Variants in SDC3 observed in about 807,000 individuals in gnomAD.
The protein encoded by SDC3 is syndecan-3.
SDC3 carries 13 observed loss-of-function variants against 24.4 expected under a neutral mutation model. The ratio of observed to expected loss-of-function variants is 0.53; its 90% CI spans 0.35 to 0.85. The LOEUF (loss-of-function observed/expected upper bound fraction) is 0.85. Among genes scored for constraint, SDC3 ranks in the 40% least tolerant of loss-of-function variants. The pLI is 0.01. For missense variants in SDC3, 571 were observed against 584.5 expected (o/e 0.98, Z 0.24); for synonymous variants, 295 against 260.9 (o/e 1.13, Z -1.26).
chr1:30,893,306 C>G (rs1003680149), intron 1 of SDC3, among the ~76,000 whole-genome samples: 2 of 107,466 alleles, frequency 1.9e-5, no homozygotes, highest in African/African-American at 7.0e-5. Context: ...ACCAGGAGCC[C>G]CCCCCCCCCC....
At chr1:30,899,843 C>T (rs1393597127) in intron 1 of SDC3, among the ~76,000 whole-genome samples, 1 of 152,150 alleles carries the variant, frequency 6.6e-6, no homozygotes, top group Non-Finnish European at 1.5e-5. Context: ...ATAGGACACA[C>T]ACGACACAAC....
chr1:30,874,590 T>G lies in SDC3; in HGVS notation c.871-2A>C. ...CAGGAAGGTCTCTGGAGTTGGGGTC[T>G]GCAGAGAGGGTGGCATGAGCCCAGG... On this transcript the variant is annotated splice_acceptor_variant, in intron 3 of 4. Coordinates refer to ENST00000339394, the MANE Select transcript of SDC3 (RefSeq NM_014654.4). LOFTEE classifies it high-confidence loss of function. The G allele has an allele frequency of 6.2e-7, 1 of 1,613,462 alleles. No individual in the cohort carries two copies. The highest frequency in any genetic ancestry group is 8.5e-7 in the Non-Finnish European group (1 of 1,179,580).
rs1165765184 is a variant in SDC3 at position 30,871,425 on chromosome 1, G to GGT, written c.*1785_*1786insAC. 6.6e-6 allele frequency: 1 copy of GGT among 152,240 alleles called. No individual in the cohort carries two copies. The highest frequency in any genetic ancestry group is 1.5e-5 in the Non-Finnish European group (1 of 68,064). The allele number at this position is 152,240 out of a possible 1,614,324, so 9.4% of individuals were successfully genotyped here. On this transcript the variant is annotated 3_prime_UTR_variant, in exon 5 of 5. Transcript: ENST00000339394. Reference sequence around the variant, plus strand: ...GTGACCCCACATTTAAAATACCGATGGAAATAGCCCTACTTGCTAGGTAAC... The same window carrying GGT: ...GTGACCCCACATTTAAAATACCGATGGTGAAATAGCCCTACTTGCTAGGTAAC...
chr1:30,894,630 A>AGT (rs1461760918), intron 1 of SDC3, among the ~76,000 whole-genome samples: 9 of 25,904 alleles, frequency 3.5e-4, no homozygotes, highest in Non-Finnish European at 7.9e-4. Context: ...TGTGGGTGAG[A>AGT]GTGTGTGGGT....
At chr1:30,903,691 C>A (rs764669015) in intron 1 of SDC3, among the ~76,000 whole-genome samples, 4 of 152,124 alleles carry the variant, frequency 2.6e-5, no homozygotes, top group Non-Finnish European at 4.4e-5. Context: ...CCCCACCCCG[C>A]CAGAAGAGCA....
chr1:30,881,990 AC>A (rs1639752138), intron 1 of SDC3, among the ~76,000 whole-genome samples: 1 of 151,882 alleles, frequency 6.6e-6, no homozygotes, highest in Non-Finnish European at 1.5e-5. Context: ...CAACATCCAC[AC>A]CCACGCGCCA....
intron 1 of SDC3, among the ~76,000 whole-genome samples, chr1:30,901,567 C>T (rs561875658): frequency 3.9e-5 from 6 of 152,280 alleles, no homozygotes; most frequent in African/African-American, 7.2e-5. Context: ...CTCAGCACCA[C>T]GGACCCTAGA....
intron 2 of SDC3, 103 bp downstream of exon 2, chr1:30,878,520 C>A (rs776330304): frequency 9.5e-5 from 82 of 866,316 alleles, no homozygotes; most frequent in Non-Finnish European, 1.4e-4. Context: ...GCAGTGAATG[C>A]CCCCTGCCTC....
intron 3 of SDC3, among the ~76,000 whole-genome samples, chr1:30,875,280 G>A (rs1276076923): frequency 6.6e-6 from 1 of 152,238 alleles, no homozygotes; most frequent in African/African-American, 2.4e-5. Context: ...AAAAGAGGCT[G>A]CAGCAGTGCC....
chr1:30,895,185 GC>G (rs1239572497), intron 1 of SDC3, among the ~76,000 whole-genome samples: 2 of 152,092 alleles, frequency 1.3e-5, no homozygotes, highest in Non-Finnish European at 2.9e-5. Context: ...AGACACCAGG[GC>G]CCCATGCATC....
rs142248843 is a variant in SDC3 at position 30,875,107 on chromosome 1, G to A, written c.871-519C>T. On this transcript the variant is annotated intron_variant, in intron 3 of 4. Transcript: ENST00000339394. ...TGATGGCCTCAGGGGCAGGTGTCCCGGAAACCAGCTCAGTGACTGACAATC... is the reference window on the plus strand; with the variant it reads ...TGATGGCCTCAGGGGCAGGTGTCCCAGAAACCAGCTCAGTGACTGACAATC... Among the ~76,000 whole-genome samples the A allele has an allele frequency of 1.2e-3, 183 of 152,306 alleles. 1 individual carries two copies. The Middle Eastern group carries it at 0.031, about 25-fold the overall frequency.
At chr1:30,879,104 G>T in intron 1 of SDC3, 1 of 205,920 alleles carries the variant, frequency 4.9e-6, no homozygotes, top group Non-Finnish European at 1.0e-5. Context: ...GGGAGCCCTG[G>T]GGCATGTGTG....
intron 1 of SDC3, among the ~76,000 whole-genome samples, chr1:30,894,350 ATGAGTGTGTG>A (rs1450191735): frequency 1.1e-4 from 3 of 26,864 alleles, no homozygotes; most frequent in African/African-American, 1.5e-4. Context: ...GGGTGTGTGG[ATGAGTGTGTG>A]TGAGTGTGTG....
At chr1:30,907,400 T>C (rs1638543473) in intron 1 of SDC3, among the ~76,000 whole-genome samples, 2 of 152,130 alleles carry the variant, frequency 1.3e-5, no homozygotes, top group Non-Finnish European at 1.5e-5. Flanking sequence ...ACCTCATACA[T>C]ACCATCACCT....
At chr1:30,894,313 GCAT>G (rs1639957306) in intron 1 of SDC3, among the ~76,000 whole-genome samples, 1 of 139,038 alleles carries the variant, frequency 7.2e-6, no homozygotes, top group African/African-American at 2.7e-5. Flanking sequence ...GGGTGTGTGT[GCAT>G]GAGTGTGTGG....
At position 30,903,184 on chromosome 1, in the gene SDC3, G is replaced by T. The variant is rs7516047; in HGVS notation, c.138+5265C>A. Among the ~76,000 whole-genome samples the T allele has an allele frequency of 5.9e-3, 899 of 152,256 alleles. 10 individuals carry two copies. The highest frequency in any genetic ancestry group is 0.02 in the African/African-American group (810 of 41,516). ...GGCTGCAATGGGGCCAGTGCTCAGA[G>T]ATGGAGCAGGAGGAACACGGATTTG... On this transcript the variant is annotated intron_variant, in intron 1 of 4. Coordinates refer to ENST00000339394, the MANE Select transcript of SDC3 (RefSeq NM_014654.4).
intron 1 of SDC3, among the ~76,000 whole-genome samples, chr1:30,904,267 CAA>C (rs1031634287): frequency 2.6e-5 from 4 of 151,928 alleles, no homozygotes; most frequent in African/African-American, 9.7e-5. Flanking sequence ...ATTCCTACAT[CAA>C]AAAATTATTG....
intron 1 of SDC3, among the ~76,000 whole-genome samples, chr1:30,894,324 T>C (rs59414723): frequency 0.071 from 7,084 of 100,438 alleles, 723 homozygotes; most frequent in African/African-American, 0.25. Context: ...CATGAGTGTG[T>C]GGATGAGTGT....
At chr1:30,888,767 G>A (rs1639866535) in intron 1 of SDC3, among the ~76,000 whole-genome samples, 4 of 152,318 alleles carry the variant, frequency 2.6e-5, no homozygotes, top group South Asian at 4.1e-4. Context: ...CTGGCTTCTC[G>A]GCTGCTCCTC....
Sources: allele counts gnomAD v4.1 joint callset (sites outside exome capture counted in the v4.1 genomes callset), GRCh38; gene constraint gnomAD v4.1.1; transcripts MANE v1.5; gene names NCBI Gene and HGNC (gene_info 2026-07-23, HGNC 2026-07-21).